Variants in TTC33 observed in about 807,000 individuals in gnomAD.
TTC33 encodes the protein tetratricopeptide repeat domain 33.
In TTC33, 24 loss-of-function variants were observed where a neutral mutation model predicts 29.4. The ratio of observed to expected loss-of-function variants is 0.82; its 90% CI spans 0.59 to 1.15. TTC33 has a LOEUF of 1.15. Among genes scored for constraint, TTC33 ranks in the 50% most tolerant of loss-of-function variants. TTC33 has a pLI of 0.00. For synonymous variants in TTC33, 107 were observed against 100.3 expected, an observed-to-expected ratio of 1.07 and a Z score of -0.40; for missense variants, 286 against 310.4, an observed-to-expected ratio of 0.92 and a Z score of 0.59.
chr5:40,739,651 C>T (rs1029290538), intron 2 of TTC33, among the ~76,000 whole-genome samples: 5 of 152,196 alleles, frequency 3.3e-5, no homozygotes, highest in Non-Finnish European at 5.9e-5. Flanking sequence ...TATAGCTTTC[C>T]TGAGGGCTCC....
intron 2 of TTC33, among the ~76,000 whole-genome samples, chr5:40,738,514 C>CAATAAAATAA (rs754304246): frequency 1.0e-4 from 8 of 79,810 alleles, no homozygotes; most frequent in African/African-American, 3.4e-4. Flanking sequence ...CAATAAAATA[C>CAATAAAATAA]AATAAAATAA....
intron 2 of TTC33, among the ~76,000 whole-genome samples, chr5:40,735,817 C>T (rs1331925695): frequency 1.3e-5 from 2 of 152,218 alleles, no homozygotes; most frequent in East Asian, 3.9e-4. Flanking sequence ...TAAATGACAA[C>T]AGAGAAGTGA....
At chr5:40,733,295 G>A (rs909019432) in intron 2 of TTC33, among the ~76,000 whole-genome samples, 8 of 152,088 alleles carry the variant, frequency 5.3e-5, no homozygotes, top group African/African-American at 1.9e-4. Flanking sequence ...AGAGCAAGGG[G>A]TGGCATAGTA....
At chr5:40,727,412 G>A (rs2111889438) in intron 4 of TTC33, among the ~76,000 whole-genome samples, 1 of 152,252 alleles carries the variant, frequency 6.6e-6, no homozygotes, top group East Asian at 1.9e-4. Context: ...AAAAACAACA[G>A]GACAGCTGTC....
intron 3 of TTC33, among the ~76,000 whole-genome samples, chr5:40,729,177 T>C (rs1263905063): frequency 2.0e-5 from 3 of 152,194 alleles, no homozygotes; most frequent in Non-Finnish European, 4.4e-5. Flanking sequence ...CATATATACA[T>C]ATTTAAGATT....
At chr5:40,734,960 T>C (rs1289984513) in intron 2 of TTC33, among the ~76,000 whole-genome samples, 1 of 152,182 alleles carries the variant, frequency 6.6e-6, no homozygotes, top group African/African-American at 2.4e-5. Flanking sequence ...AAGGTCTTCC[T>C]AGGAACGCAT....
intron 4 of TTC33, among the ~76,000 whole-genome samples, chr5:40,725,784 CTTTTT>C (rs35070396): frequency 1.6e-5 from 2 of 126,062 alleles, no homozygotes; most frequent in African/African-American, 3.0e-5. Flanking sequence ...TTCTCTTCAG[CTTTTT>C]TTTTTTTTTT....
chr5:40,738,231 G>A (rs2111913489), intron 2 of TTC33, among the ~76,000 whole-genome samples: 1 of 151,998 alleles, frequency 6.6e-6, no homozygotes, highest in South Asian at 2.1e-4. Flanking sequence ...GGCCAAGACG[G>A]TGAAACCCTG....
chr5:40,736,871 C>T (rs1274709436), intron 2 of TTC33, among the ~76,000 whole-genome samples: 1 of 152,172 alleles, frequency 6.6e-6, no homozygotes, highest in Non-Finnish European at 1.5e-5. Context: ...TCAAAATCTA[C>T]ACTCTTAACC....
chr5:40,746,704 G>A, intron 2 of TTC33, 94 bp downstream of exon 2: 2 of 950,888 alleles, frequency 2.1e-6, no homozygotes, highest in South Asian at 3.8e-5. Flanking sequence ...TTTTAAACAT[G>A]AATTTATCAA....
chr5:40,751,010 A>G (rs922984591), intron 1 of TTC33, among the ~76,000 whole-genome samples: 1 of 152,186 alleles, frequency 6.6e-6, no homozygotes, highest in Non-Finnish European at 1.5e-5. Flanking sequence ...GTTGTAATCA[A>G]CTTCTTCCAA....
chr5:40,716,274 C>A lies in TTC33; in HGVS notation c.660G>T (p.Glu220Asp). The A allele has an allele frequency of 6.2e-7, 1 of 1,614,204 alleles. No individual in the cohort carries two copies. Among genetic ancestry groups the A allele is most frequent in the South Asian group, 1.1e-5 (1 of 91,072 alleles). The change falls in exon 5 of 5, where the codon GAG becomes GAT. Residue 220 changes from glutamate to aspartate, a missense_variant. By Grantham distance (45) the Glu-to-Asp change is conservative. Transcript: ENST00000337702. ...TATTTGCTGAAACTGTCTTCTCTTT[C>A]TCAGCAATAGCTGCACAAACAGCAA... The part of the protein sequence containing the change: ...EIVAVCAAIA[E>D]KEKTVSANKT...
intron 2 of TTC33, among the ~76,000 whole-genome samples, chr5:40,740,008 T>A (rs1410284431): frequency 6.6e-6 from 1 of 152,154 alleles, no homozygotes; most frequent in Non-Finnish European, 1.5e-5. Context: ...ATAAGCCTTT[T>A]ATTATTTTTT....
chr5:40,755,938 A>C lies in TTC33; in HGVS notation c.-116T>G, dbSNP rs1297698619. 1 of 152,336 alleles carries C rather than the reference A, an allele frequency of 6.6e-6. No homozygotes were observed. The highest frequency in any genetic ancestry group is 2.4e-5 in the African/African-American group (1 of 41,448). 9.4% of individuals were successfully genotyped at this position (152,336 alleles called of 1,614,324 possible). ...ACGACTCAGTCTTTCCCCTCCGCCA[A>C]TCTCTTCTCCGGGACCACAAATCCC... On this transcript the variant is annotated 5_prime_UTR_variant, in exon 1 of 5. Transcript: ENST00000337702.
At chr5:40,744,313 T>C (rs1250336169) in intron 2 of TTC33, among the ~76,000 whole-genome samples, 1 of 152,194 alleles carries the variant, frequency 6.6e-6, no homozygotes, top group Admixed American at 6.5e-5. Context: ...TATTCCCAAT[T>C]TGAGATGCTA....
rs1458744097 is a variant in TTC33, at chr5:40,713,410, A to G, written c.*2735T>C. On this transcript the variant is annotated 3_prime_UTR_variant, in exon 5 of 5. Coordinates refer to ENST00000337702, the MANE Select transcript of TTC33 (RefSeq NM_012382.3). ...AATTCTAGCTGAGACAGAGCTTTTAAAAAATCTTTATAGTTTTACCATACG... is the reference window on the plus strand; with the variant it reads ...AATTCTAGCTGAGACAGAGCTTTTAGAAAATCTTTATAGTTTTACCATACG... Among the ~76,000 whole-genome samples, 1 of 152,176 alleles carries G rather than the reference A, an allele frequency of 6.6e-6. No homozygotes were observed. The highest frequency in any genetic ancestry group is 1.5e-5 in the Non-Finnish European group (1 of 68,002).
chr5:40,730,659 G>A (rs1033471203), intron 2 of TTC33, among the ~76,000 whole-genome samples: 1 of 152,116 alleles, frequency 6.6e-6, no homozygotes, highest in Non-Finnish European at 1.5e-5. Flanking sequence ...AGGAGGAGCA[G>A]TCATGTACTT....
At position 40,722,424 on chromosome 5, in the gene TTC33, C is replaced by T. The variant is rs540850246; in HGVS notation, c.435+5921G>A. 1.6e-3 allele frequency among the ~76,000 whole-genome samples: 241 copies of T among 149,360 alleles called. 1 individual carries two copies. The highest frequency in any genetic ancestry group is 5.8e-3 in the Admixed American group (87 of 15,054). ...GCCGCCCAGTCTGGGAAGTGAGGAG[C>T]GCCTCTTCCCGGCCGTCATCCAGTC... On this transcript the variant is annotated intron_variant, in intron 4 of 4. Coordinates refer to ENST00000337702, the MANE Select transcript of TTC33 (RefSeq NM_012382.3).
chr5:40,730,250 C>T lies in TTC33; in HGVS notation c.303+12G>A, dbSNP rs375359844. Reference sequence around the variant, plus strand: ...ATTTCATAAGGAAAGTGAAATTCTTCATAATTATTACCTGTGATTTCATCT... The same window carrying T: ...ATTTCATAAGGAAAGTGAAATTCTTTATAATTATTACCTGTGATTTCATCT... On this transcript the variant is annotated intron_variant, in intron 3 of 4. Coordinates refer to ENST00000337702, the MANE Select transcript of TTC33 (RefSeq NM_012382.3). The T allele has an allele frequency of 3.8e-6, 6 of 1,586,920 alleles. No homozygotes were observed. Among genetic ancestry groups the T allele is most frequent in the Non-Finnish European group, 5.2e-6 (6 of 1,161,446 alleles).
Sources: gnomAD v4.1 joint callset for allele counts (sites outside exome capture counted in the v4.1 genomes callset) on GRCh38, gnomAD v4.1.1 for gene constraint, MANE v1.5 for transcripts, NCBI Gene and HGNC (gene_info 2026-07-23, HGNC 2026-07-21) for gene names.